Variants in AUTS2 observed in about 807,000 individuals in gnomAD.
AUTS2 encodes the protein autism susceptibility gene 2 protein.
AUTS2 carries 17 observed loss-of-function variants against 112.4 expected under a neutral mutation model. The observed-to-expected ratio is 0.15, with a 90% CI of 0.10 to 0.23. AUTS2 has a LOEUF of 0.23. AUTS2 is among the 10% of genes least tolerant of loss of function. The pLI is 1.00. For missense variants in AUTS2, 1,510 were observed against 1,701.6 expected, an observed-to-expected ratio of 0.89 and a Z score of 1.98; for synonymous variants, 751 against 702.7, an observed-to-expected ratio of 1.07 and a Z score of -1.09.
At position 70,663,526 on chromosome 7, in the gene AUTS2, C is replaced by T. The variant is rs150230836; in HGVS notation, c.691-35043C>T. 1.4e-4 allele frequency among the ~76,000 whole-genome samples: 22 copies of T among 152,184 alleles called. No homozygotes were observed. In the East Asian group the frequency reaches 4.2e-3, roughly 29 times the overall value. The stretch of plus-strand genomic sequence containing the variant: ...GTCTTATGGATCTTGCTGGTTGGCC[C>T]TGACTCCCCTTACAGTGTCTTAGGG... On this transcript the variant is annotated intron_variant, in intron 5 of 18. Coordinates refer to ENST00000342771, the MANE Select transcript of AUTS2 (RefSeq NM_015570.4).
chr7:69,740,768 C>G (rs550312750), intron 1 of AUTS2, among the ~76,000 whole-genome samples: 3 of 151,966 alleles, frequency 2.0e-5, no homozygotes, highest in Non-Finnish European at 4.4e-5. Context: ...GTAATCTGCC[C>G]GCCTCGGCCT....
chr7:70,152,871 T>C (rs955773127), intron 4 of AUTS2, among the ~76,000 whole-genome samples: 2 of 152,172 alleles, frequency 1.3e-5, no homozygotes, highest in Non-Finnish European at 2.9e-5. Context: ...CAGCAAGTGT[T>C]GGTGAGGATA....
chr7:70,703,631 C>T (rs952560158), intron 6 of AUTS2, among the ~76,000 whole-genome samples: 1 of 151,862 alleles, frequency 6.6e-6, no homozygotes, highest in Non-Finnish European at 1.5e-5. Context: ...ATATGGAGAC[C>T]ATTTTACAAT....
At position 70,511,145 on chromosome 7, in the gene AUTS2, G is replaced by A. The variant is rs370094228; in HGVS notation, c.690+75364G>A. On this transcript the variant is annotated intron_variant, in intron 5 of 18. Transcript: ENST00000342771. ...ATTACAGGCGTGAACCACTGCGCTC[G>A]GCCTTTAATTTTTAATTAGCATAGC... Among the ~76,000 whole-genome samples the A allele has an allele frequency of 2.8e-4, 43 of 151,876 alleles. No individual in the cohort carries two copies. The East Asian group carries it at 6.8e-3, about 24-fold the overall frequency.
At chr7:69,716,667 A>G (rs558029292) in intron 1 of AUTS2, among the ~76,000 whole-genome samples, 2 of 152,070 alleles carry the variant, frequency 1.3e-5, no homozygotes, top group Non-Finnish European at 2.9e-5. Flanking sequence ...AGATCTCACA[A>G]TCTCAGGGCT....
At chr7:70,598,293 G>A (rs1458950623) in intron 5 of AUTS2, among the ~76,000 whole-genome samples, 1 of 152,100 alleles carries the variant, frequency 6.6e-6, no homozygotes, top group Non-Finnish European at 1.5e-5. Flanking sequence ...CCAGAACCAC[G>A]GTTTCTCAGT....
intron 1 of AUTS2, among the ~76,000 whole-genome samples, chr7:69,850,498 A>G (rs73440132): frequency 1.4e-3 from 216 of 149,546 alleles, no homozygotes; most frequent in African/African-American, 5.1e-3. Context: ...TGAGGGAATC[A>G]GCATCCTTGC....
chr7:70,376,906 G>A (rs757498165), intron 4 of AUTS2, among the ~76,000 whole-genome samples: 10 of 151,410 alleles, frequency 6.6e-5, no homozygotes, highest in South Asian at 2.1e-4. Context: ...CTGTTATTGC[G>A]TGTTGTTGAA....
intron 5 of AUTS2, among the ~76,000 whole-genome samples, chr7:70,606,914 C>T (rs1165674464): frequency 2.0e-5 from 3 of 151,194 alleles, no homozygotes; most frequent in Non-Finnish European, 4.4e-5. Flanking sequence ...TACACGTGCG[C>T]ACACACACAA....
At chr7:70,134,431 TGTG>T (rs1295284979) in intron 3 of AUTS2, 102 bp from the exon 4 acceptor site, 26 of 866,238 alleles carry the variant, frequency 3.0e-5, no homozygotes, top group Admixed American at 3.6e-5. Context: ...GGTGATGTGA[TGTG>T]GTGATGAAAA....
At chr7:69,640,313 C>T (rs989761722) in intron 1 of AUTS2, among the ~76,000 whole-genome samples, 1 of 152,196 alleles carries the variant, frequency 6.6e-6, no homozygotes, top group African/African-American at 2.4e-5. Flanking sequence ...ATCTCCCCAG[C>T]CGGGGATGGA....
At chr7:70,152,963 A>G (rs981810848) in intron 4 of AUTS2, among the ~76,000 whole-genome samples, 5 of 152,176 alleles carry the variant, frequency 3.3e-5, no homozygotes, top group South Asian at 2.1e-4. Context: ...TAGATCATGT[A>G]AATCTTTCCC....
At chr7:70,312,358 A>G (rs1176777584) in intron 4 of AUTS2, among the ~76,000 whole-genome samples, 2 of 152,190 alleles carry the variant, frequency 1.3e-5, no homozygotes, top group African/African-American at 4.8e-5. Context: ...AAATAAAGAT[A>G]TAAAGTCTAT....
chr7:70,096,306 T>C (rs1804195384), intron 2 of AUTS2, among the ~76,000 whole-genome samples: 1 of 151,680 alleles, frequency 6.6e-6, no homozygotes, highest in Non-Finnish European at 1.5e-5. Context: ...ATAAAAAAAT[T>C]GTTGAAAAAG....
At chr7:70,438,940 T>C (rs1322459480) in intron 5 of AUTS2, among the ~76,000 whole-genome samples, 2 of 152,164 alleles carry the variant, frequency 1.3e-5, no homozygotes, top group Non-Finnish European at 2.9e-5. Context: ...TCTTACTCCA[T>C]AGGGATCTGC....
At chr7:70,149,914 C>G (rs1372492479) in intron 4 of AUTS2, among the ~76,000 whole-genome samples, 1 of 151,774 alleles carries the variant, frequency 6.6e-6, no homozygotes, top group East Asian at 1.9e-4. Flanking sequence ...CAAACATAAA[C>G]ATAAAATAGA....
intron 2 of AUTS2, among the ~76,000 whole-genome samples, chr7:70,061,786 T>C (rs1802257637): frequency 6.6e-6 from 1 of 151,788 alleles, no homozygotes; most frequent in Non-Finnish European, 1.5e-5. Context: ...TTCTTCTTTT[T>C]TTTTTTTTTG....
chr7:70,447,828 G>T (rs1253050303), intron 5 of AUTS2, among the ~76,000 whole-genome samples: 1 of 152,140 alleles, frequency 6.6e-6, no homozygotes, highest in African/African-American at 2.4e-5. Context: ...TAATTAATAA[G>T]TCCCATTTGC....
rs1795111707 is a variant in AUTS2, at chr7:69,905,362, G to A, written c.522+5864G>A. The stretch of plus-strand genomic sequence containing the variant: ...AATATATATGTGGGTAGATAAGAGG[G>A]GATTCATTCGGGGAATTTGTTCACA... On this transcript the variant is annotated intron_variant, in intron 2 of 18. Coordinates refer to ENST00000342771, the MANE Select transcript of AUTS2 (RefSeq NM_015570.4). 2.6e-5 allele frequency among the ~76,000 whole-genome samples: 4 copies of A among 152,132 alleles called. No individual in the cohort carries two copies. In the South Asian group the frequency reaches 8.3e-4, roughly 32 times the overall value.
Sources: gnomAD v4.1 joint callset for allele counts (sites outside exome capture counted in the v4.1 genomes callset) on GRCh38, gnomAD v4.1.1 for gene constraint, MANE v1.5 for transcripts, NCBI Gene and HGNC (gene_info 2026-07-23, HGNC 2026-07-21) for gene names.